NCOA6: variants seen among roughly 807,000 people sequenced by gnomAD.
NCOA6 encodes nuclear receptor coactivator 6.
NCOA6 carries 49 observed loss-of-function variants against 171.4 expected under a neutral mutation model. The observed-to-expected ratio is 0.29, with a 90% CI of 0.23 to 0.36. The LOEUF is 0.36. Ranked by LOEUF, NCOA6 falls within the 10% of genes least tolerant of loss-of-function variation. NCOA6 has a pLI of 1.00. For synonymous variants in NCOA6, 910 were observed against 927.5 expected, an observed-to-expected ratio of 0.98 and a Z score of 0.34; for missense variants, 2,248 against 2,554.5, an observed-to-expected ratio of 0.88 and a Z score of 2.59.
At chr20:34,749,318 T>A (rs2076398375) in intron 9 of NCOA6, 85 bp downstream of exon 9, 1 of 1,436,024 alleles carries the variant, frequency 7.0e-7, no homozygotes, top group Non-Finnish European at 9.4e-7. Flanking sequence ...ATTCTAGTTT[T>A]ATATTCTGTA....
rs2076546900 is a variant in NCOA6 at position 34,753,288 on chromosome 20, C to A, written c.1675+1434G>T. ...TCTCAAACTCATGATCTCAAGTGATCCACCTGCCTCGGCCTCTCAAAGTGC... is the reference window on the plus strand; with the variant it reads ...TCTCAAACTCATGATCTCAAGTGATACACCTGCCTCGGCCTCTCAAAGTGC... On this transcript the variant is annotated intron_variant, in intron 8 of 14. Coordinates refer to ENST00000359003, the MANE Select transcript of NCOA6 (RefSeq NM_014071.5). Among the ~76,000 whole-genome samples, 8 of 151,436 alleles carry A rather than the reference C, an allele frequency of 5.3e-5. No individual in the cohort carries two copies. The South Asian group carries it at 1.7e-3, about 32-fold the overall frequency.
At chr20:34,775,466 C>A (rs1209788575) in intron 4 of NCOA6, among the ~76,000 whole-genome samples, 1 of 151,782 alleles carries the variant, frequency 6.6e-6, no homozygotes, top group East Asian at 1.9e-4. Context: ...GGGTGGATCA[C>A]CTGAGGTCAG....
chr20:34,766,810 C>T (rs2076997916), intron 5 of NCOA6, among the ~76,000 whole-genome samples: 1 of 152,154 alleles, frequency 6.6e-6, no homozygotes, highest in South Asian at 2.1e-4. Flanking sequence ...TTTCCTGATG[C>T]TCATCCCAGG....
At position 34,715,211 on chromosome 20, in the gene NCOA6, A is replaced by AG. The variant is rs1988378326; in HGVS notation, c.*110_*111insC. The AG allele has an allele frequency of 1.4e-6, 2 of 1,423,716 alleles. No homozygotes were observed. The highest frequency in any genetic ancestry group is 1.7e-5 in the Admixed American group (1 of 57,498). 88.2% of individuals were successfully genotyped at this position (1,423,716 alleles called of 1,614,324 possible). A position where few individuals can be genotyped will look rare whatever the true frequency, so the allele number is the denominator to read the frequency against. On this transcript the variant is annotated 3_prime_UTR_variant, in exon 15 of 15. Coordinates refer to ENST00000359003, the MANE Select transcript of NCOA6 (RefSeq NM_014071.5). ...TTGCAGGGACTAGGAAAAGGGCCAC[A>AG]TTATTAAAATTACTAACTGTACAGA... is the stretch of plus-strand genomic sequence containing the variant.
intron 1 of NCOA6, among the ~76,000 whole-genome samples, chr20:34,802,152 C>T (rs1054543418): frequency 6.6e-6 from 1 of 152,164 alleles, no homozygotes; most frequent in Non-Finnish European, 1.5e-5. Flanking sequence ...ACTGACAAAT[C>T]AAATTAAACA....
chr20:34,764,200 GCCTCAGCCTC>G (rs2076905513), intron 5 of NCOA6, among the ~76,000 whole-genome samples: 1 of 151,696 alleles, frequency 6.6e-6, no homozygotes, highest in Non-Finnish European at 1.5e-5. Context: ...CCATTCTCCT[GCCTCAGCCTC>G]CTGAGCAGCT....
At chr20:34,770,230 G>A (rs2145995367) in intron 4 of NCOA6, among the ~76,000 whole-genome samples, 1 of 152,200 alleles carries the variant, frequency 6.6e-6, no homozygotes, top group Admixed American at 6.5e-5. Context: ...AGTAGAGACG[G>A]GGTTTCACCA....
intron 2 of NCOA6, among the ~76,000 whole-genome samples, chr20:34,782,946 A>G (rs1190954072): frequency 2.0e-5 from 3 of 152,186 alleles, no homozygotes; most frequent in African/African-American, 7.2e-5. Flanking sequence ...TTAACAGTGG[A>G]ATGGCTGAAA....
intron 5 of NCOA6, among the ~76,000 whole-genome samples, chr20:34,766,223 A>T (rs946595772): frequency 6.6e-6 from 1 of 152,150 alleles, no homozygotes; most frequent in African/African-American, 2.4e-5. Context: ...ACTTTATACT[A>T]TATACATTAT....
intron 4 of NCOA6, among the ~76,000 whole-genome samples, chr20:34,770,386 C>G (rs2145997710): frequency 6.6e-6 from 1 of 152,096 alleles, no homozygotes; most frequent in South Asian, 2.1e-4. Context: ...AACAAACAGC[C>G]TACCAAAAAG....
intron 7 of NCOA6, among the ~76,000 whole-genome samples, chr20:34,755,555 C>T (rs1404031358): frequency 6.6e-6 from 1 of 152,096 alleles, no homozygotes; most frequent in Non-Finnish European, 1.5e-5. Flanking sequence ...GTATCAGTTC[C>T]TTTTTGGAAG....
At chr20:34,782,442 A>T in intron 2 of NCOA6, 38 bp from the exon 3 acceptor site, 1 of 596,054 alleles carries the variant, frequency 1.7e-6, no homozygotes, top group Non-Finnish European at 2.8e-6. Flanking sequence ...TACAATGCAT[A>T]GTTATGCATT....
intron 5 of NCOA6, among the ~76,000 whole-genome samples, chr20:34,761,206 T>C (rs1304908716): frequency 1.3e-5 from 2 of 152,218 alleles, no homozygotes; most frequent in African/African-American, 4.8e-5. Flanking sequence ...CTGTATTATT[T>C]CCCTCATAAC....
At position 34,741,234 on chromosome 20, in the gene NCOA6, C is replaced by T; in HGVS notation, c.5022G>A (p.Gln1674=). 1 of 1,614,258 alleles carries T rather than the reference C, an allele frequency of 6.2e-7. No homozygotes were observed. Among genetic ancestry groups the T allele is most frequent in the Non-Finnish European group, 8.5e-7 (1 of 1,180,054 alleles). ...GTGGGGCTGCAGGAATTGTGCTTGG[C>T]TGTGATCCTTTCATAACCTGAATTA... The part of the protein sequence containing the change: ...SSIIQVMKGS[Q]PSTIPAAPLT... Residue 1674 remains glutamine (Q), a synonymous_variant, in exon 11 of 15, where the codon CAG becomes CAA. Coordinates refer to ENST00000359003, the MANE Select transcript of NCOA6 (RefSeq NM_014071.5).
chr20:34,768,737 G>T, intron 4 of NCOA6, 151 bp from the exon 5 acceptor site: 1 of 818,292 alleles, frequency 1.2e-6, no homozygotes, highest in Non-Finnish European at 1.9e-6. Context: ...ATGTAGATGG[G>T]TCTTTCTTCA....
chr20:34,823,991 C>G (rs77895908), intron 1 of NCOA6, among the ~76,000 whole-genome samples: 2,940 of 152,288 alleles, frequency 0.019, 50 homozygotes, highest in South Asian at 0.063. Flanking sequence ...GCCGGAGCAC[C>G]TCTTAAAACT....
intron 5 of NCOA6, among the ~76,000 whole-genome samples, chr20:34,759,353 A>G (rs2076748324): frequency 1.3e-5 from 2 of 152,066 alleles, no homozygotes; most frequent in Admixed American, 6.6e-5. Context: ...AAGTTTCTAC[A>G]CCCACCATCT....
At chr20:34,762,878 T>C (rs1054377215) in intron 5 of NCOA6, among the ~76,000 whole-genome samples, 3 of 152,218 alleles carry the variant, frequency 2.0e-5, no homozygotes, top group Non-Finnish European at 4.4e-5. Flanking sequence ...CTCTTGATAG[T>C]ATAGCTATGT....
At chr20:34,716,628 G>A (rs1395659074) in intron 14 of NCOA6, among the ~76,000 whole-genome samples, 1 of 152,034 alleles carries the variant, frequency 6.6e-6, no homozygotes, top group African/African-American at 2.4e-5. Flanking sequence ...GCACATGCCT[G>A]TAGTCCCAGC....
Sources: allele counts gnomAD v4.1 joint callset (sites outside exome capture counted in the v4.1 genomes callset), GRCh38; gene constraint gnomAD v4.1.1; transcripts MANE v1.5; gene names NCBI Gene and HGNC (gene_info 2026-07-23, HGNC 2026-07-21).